Variants in TTC27 observed in about 807,000 individuals in gnomAD.
The protein encoded by TTC27 is tetratricopeptide repeat protein 27.
A neutral mutation model predicts 115.9 loss-of-function variants in TTC27; 79 were observed. The observed-to-expected ratio is 0.68, with a 90% confidence interval of 0.57 to 0.82. The LOEUF is 0.82. Ranked by LOEUF, TTC27 falls within the 40% of genes least tolerant of loss-of-function variation. The pLI is 0.00. For synonymous variants in TTC27, 401 were observed against 356.0 expected, an observed-to-expected ratio of 1.13 and a Z score of -1.42; for missense variants, 1,054 against 993.1, an observed-to-expected ratio of 1.06 and a Z score of -0.82.
At chr2:32,799,032 A>C (rs896117930) in intron 16 of TTC27, among the ~76,000 whole-genome samples, 1 of 152,254 alleles carries the variant, frequency 6.6e-6, no homozygotes, top group Non-Finnish European at 1.5e-5. Context: ...TGGTATGTAC[A>C]TACAATGGAA....
chr2:32,640,221 T>A, intron 3 of TTC27, 49 bp from the exon 4 acceptor site: 1 of 1,524,010 alleles, frequency 6.6e-7, no homozygotes, highest in Non-Finnish European at 8.9e-7. Flanking sequence ...CATATAAAGA[T>A]TAATATTTTG....
chr2:32,686,504 C>T (rs1013523446), intron 9 of TTC27, among the ~76,000 whole-genome samples: 3 of 76,320 alleles, frequency 3.9e-5, no homozygotes, highest in Non-Finnish European at 7.2e-5. Flanking sequence ...GGACTACAGG[C>T]GTGAACCACC....
chr2:32,770,345 C>T (rs549191394), intron 13 of TTC27, among the ~76,000 whole-genome samples: 158 of 152,244 alleles, frequency 1.0e-3, no homozygotes, highest in African/African-American at 3.7e-3. Flanking sequence ...CTAGATTTTA[C>T]AGTTTATGAG....
At chr2:32,670,002 C>T (rs1019220868) in intron 7 of TTC27, among the ~76,000 whole-genome samples, 2 of 151,262 alleles carry the variant, frequency 1.3e-5, no homozygotes, top group Admixed American at 6.6e-5. Context: ...CCTTAGCCTC[C>T]GAGTAGCTGA....
Position 32,712,286 on chromosome 2 carries a change from A to C in TTC27, c.1233+9366A>C, listed in dbSNP as rs543451745. 9.2e-5 allele frequency among the ~76,000 whole-genome samples: 14 copies of C among 152,362 alleles called. 1 individual carries two copies. The South Asian group carries it at 2.9e-3, about 32-fold the overall frequency. On this transcript the variant is annotated intron_variant, in intron 10 of 19. Coordinates refer to ENST00000317907, the MANE Select transcript of TTC27 (RefSeq NM_017735.5). The stretch of plus-strand genomic sequence containing the variant: ...AAGAAGAAACTCCAAGTCGAGGACA[A>C]TCTATTAAAAACACCCTGTCTTCTG...
At position 32,725,049 on chromosome 2, in the gene TTC27, G is replaced by A. The variant is rs143772738; in HGVS notation, c.1234-8779G>A. ...TCTTGTGAAACTTATTCACTATCAC[G>A]AGAACAGCACGGGAAAGAGTTGCCC... On this transcript the variant is annotated intron_variant, in intron 10 of 19. Coordinates refer to ENST00000317907, the MANE Select transcript of TTC27 (RefSeq NM_017735.5). 6.5e-3 allele frequency among the ~76,000 whole-genome samples: 996 copies of A among 152,220 alleles called. 8 individuals carry two copies. The highest frequency in any genetic ancestry group is 0.023 in the African/African-American group (940 of 41,536).
In TTC27 at chr2:32,805,720, A is replaced by G. The variant is rs1258172381; in HGVS notation, c.1999-5304A>G. 2.6e-5 allele frequency among the ~76,000 whole-genome samples: 4 copies of G among 152,350 alleles called. No individual in the cohort carries two copies. In the East Asian group the frequency reaches 7.7e-4, roughly 29 times the overall value. On this transcript the variant is annotated intron_variant, in intron 16 of 19. Coordinates refer to ENST00000317907, the MANE Select transcript of TTC27 (RefSeq NM_017735.5). ...AATGTGGTGTTACTGTCCACTTCCA[A>G]CAGAGTAAGGTAGTTGAGGATCAAT...
intron 17 of TTC27, 144 bp downstream of exon 17, chr2:32,811,365 C>A: frequency 1.3e-6 from 1 of 762,054 alleles, no homozygotes. Context: ...CAGTCTTTAA[C>A]CTACGTACTT....
intron 10 of TTC27, among the ~76,000 whole-genome samples, chr2:32,722,056 C>T (rs1667950304): frequency 6.6e-6 from 1 of 152,186 alleles, no homozygotes; most frequent in Admixed American, 6.5e-5. Flanking sequence ...TTATCATCTT[C>T]ACTTTATAGG....
At chr2:32,649,657 G>T (rs1246236508) in intron 4 of TTC27, among the ~76,000 whole-genome samples, 2 of 151,328 alleles carry the variant, frequency 1.3e-5, no homozygotes, top group Admixed American at 6.6e-5. Flanking sequence ...CAATTCTCCT[G>T]CCTCAAGTCT....
intron 16 of TTC27, among the ~76,000 whole-genome samples, chr2:32,807,702 T>C (rs1005166218): frequency 6.6e-6 from 1 of 152,158 alleles, no homozygotes; most frequent in South Asian, 2.1e-4. Context: ...TTTTTAAGCC[T>C]CTTGTCTGAA....
chr2:32,779,955 A>G, intron 14 of TTC27: 1 of 296,048 alleles, frequency 3.4e-6, no homozygotes, highest in South Asian at 3.3e-5. Context: ...TTTACTGTAA[A>G]TGTAAGTGGT....
At position 32,650,154 on chromosome 2, in the gene TTC27, ATG is replaced by A; in HGVS notation, c.566_567del (p.Val189GlufsTer8). ...IQSLPWWTLR[C>X]VNIHQHLLEE... ...AGAGCTTGCCATGGTGGACTTTGAGATGTGTGAATATTCATCAGCATTTGCTT... is the reference window on the plus strand; with the variant it reads ...AGAGCTTGCCATGGTGGACTTTGAGATGTGAATATTCATCAGCATTTGCTT... On this transcript the variant is annotated frameshift_variant, in exon 5 of 20. Transcript: ENST00000317907. LOFTEE classifies it high-confidence loss of function. 1.9e-6 allele frequency: 3 copies of A among 1,613,690 alleles called. No homozygotes were observed. The highest frequency in any genetic ancestry group is 2.5e-6 in the Non-Finnish European group (3 of 1,179,734).
chr2:32,798,102 T>TAA (rs143563889), intron 16 of TTC27, among the ~76,000 whole-genome samples: 26,303 of 146,274 alleles, frequency 0.18, 3,030 homozygotes, highest in African/African-American at 0.33. Context: ...GAAAAAAAAT[T>TAA]AAAAAAAAAA....
intron 16 of TTC27, among the ~76,000 whole-genome samples, chr2:32,792,434 A>G (rs1670566314): frequency 6.6e-6 from 1 of 152,210 alleles, no homozygotes; most frequent in Admixed American, 6.5e-5. Context: ...AAGGCTTGAC[A>G]TCTGGCGTAT....
chr2:32,680,290 T>A (rs1427173264), intron 9 of TTC27, among the ~76,000 whole-genome samples: 1 of 152,194 alleles, frequency 6.6e-6, no homozygotes, highest in Non-Finnish European at 1.5e-5. Flanking sequence ...AAACATATTA[T>A]GTACTTTTCA....
intron 9 of TTC27, among the ~76,000 whole-genome samples, chr2:32,694,714 C>T (rs1666926783): frequency 6.7e-6 from 1 of 149,854 alleles, no homozygotes; most frequent in Non-Finnish European, 1.5e-5. Flanking sequence ...GCTCTGTTGC[C>T]CAAGCTGAAG....
chr2:32,796,684 A>T lies in TTC27; in HGVS notation c.1998+9535A>T, dbSNP rs977300022. Among the ~76,000 whole-genome samples the T allele has an allele frequency of 3.3e-5, 5 of 152,292 alleles. No homozygotes were observed. The South Asian group carries it at 1.0e-3, about 32-fold the overall frequency. On this transcript the variant is annotated intron_variant, in intron 16 of 19. Transcript: ENST00000317907. ...CAAATGGAATCTCAAGAGACCCTGG[A>T]TGGCCCAAACAACTTTTAAAAAGAA...
At chr2:32,784,353 T>C (rs1670280803) in intron 15 of TTC27, among the ~76,000 whole-genome samples, 2 of 152,254 alleles carry the variant, frequency 1.3e-5, no homozygotes, top group Non-Finnish European at 1.5e-5. Flanking sequence ...TCCTGTTTAC[T>C]CTTTTCTTTC....
Sources: gnomAD v4.1 joint callset for allele counts (sites outside exome capture counted in the v4.1 genomes callset) on GRCh38, gnomAD v4.1.1 for gene constraint, MANE v1.5 for transcripts, NCBI Gene and HGNC (gene_info 2026-07-23, HGNC 2026-07-21) for gene names.